PDGFD: variants seen among roughly 807,000 people sequenced by gnomAD.
The protein encoded by PDGFD is platelet derived growth factor D, also known as platelet-derived growth factor D.
PDGFD carries 30 observed loss-of-function variants against 44.7 expected under a neutral mutation model. That is an observed-to-expected ratio of 0.67 (90% CI 0.50 to 0.91). The LOEUF is 0.91. PDGFD is among the 40% of genes least tolerant of loss of function. The pLI, the probability that PDGFD is intolerant of heterozygous loss-of-function variation, is 0.00. For synonymous variants in PDGFD, 173 were observed against 168.4 expected (o/e 1.03, Z -0.21); for missense variants, 445 against 457.8 (o/e 0.97, Z 0.25).
chr11:103,920,966 G>T (rs571355124), intron 6 of PDGFD, among the ~76,000 whole-genome samples: 2 of 152,302 alleles, frequency 1.3e-5, no homozygotes, highest in East Asian at 3.9e-4. Flanking sequence ...GTAATTTCAG[G>T]TTTGCCTGGG....
At chr11:103,957,522 T>C (rs990755867) in intron 3 of PDGFD, among the ~76,000 whole-genome samples, 1 of 152,070 alleles carries the variant, frequency 6.6e-6, no homozygotes, top group Non-Finnish European at 1.5e-5. Context: ...AACAGAGATA[T>C]AGATCAATGG....
chr11:104,001,762 G>A (rs1482200972), intron 1 of PDGFD, among the ~76,000 whole-genome samples: 1 of 152,152 alleles, frequency 6.6e-6, no homozygotes, highest in African/African-American at 2.4e-5. Context: ...TTACTTTGAG[G>A]ACTATAATTC....
rs1195104661 is a variant in PDGFD at position 104,100,436 on chromosome 11, G to C, written c.124+63368C>G. ...CAGGAAGAAGTTGAATCTCTGAATA[G>C]AACAATAACAGGCTCTGAAATTGAG... On this transcript the variant is annotated intron_variant, in intron 1 of 6. Coordinates refer to ENST00000393158, the MANE Select transcript of PDGFD (RefSeq NM_025208.5). 2.6e-5 allele frequency among the ~76,000 whole-genome samples: 4 copies of C among 152,232 alleles called. No individual in the cohort carries two copies. The East Asian group carries it at 7.7e-4, about 29-fold the overall frequency.
At chr11:104,116,446 T>C (rs773440934) in intron 1 of PDGFD, among the ~76,000 whole-genome samples, 6 of 151,992 alleles carry the variant, frequency 3.9e-5, no homozygotes, top group Non-Finnish European at 5.9e-5. Context: ...TATAGTATAG[T>C]TTGAAATCAC....
At chr11:104,049,993 A>G (rs1310804674) in intron 1 of PDGFD, among the ~76,000 whole-genome samples, 4 of 152,196 alleles carry the variant, frequency 2.6e-5, no homozygotes, top group Non-Finnish European at 5.9e-5. Flanking sequence ...CAATAGAGGT[A>G]GGGGCCATGA....
At chr11:104,111,099 C>G (rs1041543165) in intron 1 of PDGFD, among the ~76,000 whole-genome samples, 3 of 151,822 alleles carry the variant, frequency 2.0e-5, no homozygotes, top group African/African-American at 4.8e-5. Flanking sequence ...AACAATAACA[C>G]TGATTATAAC....
At chr11:103,938,870 T>A (rs1478486311) in intron 5 of PDGFD, among the ~76,000 whole-genome samples, 1 of 152,212 alleles carries the variant, frequency 6.6e-6, no homozygotes, top group Non-Finnish European at 1.5e-5. Flanking sequence ...GTTGTAGATA[T>A]GCGGCATTAT....
At chr11:104,082,455 T>C (rs183903623) in intron 1 of PDGFD, among the ~76,000 whole-genome samples, 29 of 152,022 alleles carry the variant, frequency 1.9e-4, no homozygotes, top group Non-Finnish European at 3.2e-4. Context: ...TTCCACTATA[T>C]AGGTTATAGT....
At chr11:104,044,906 C>T (rs1363184229) in intron 1 of PDGFD, among the ~76,000 whole-genome samples, 2 of 152,208 alleles carry the variant, frequency 1.3e-5, no homozygotes, top group Admixed American at 6.5e-5. Flanking sequence ...GGCTTGGTGG[C>T]GGGTGCCTGT....
chr11:104,137,728 C>CTT (rs5794295), intron 1 of PDGFD, among the ~76,000 whole-genome samples: 6,071 of 76,586 alleles, frequency 0.079, 674 homozygotes, highest in South Asian at 0.13. Context: ...TAGATCACCA[C>CTT]TTTTTTTTTT....
In PDGFD at chr11:103,907,419, A is replaced by G. The variant is rs926294544; in HGVS notation, c.*2275T>C. 6.6e-6 allele frequency: 1 copy of G among 152,210 alleles called. No homozygotes were observed. Among genetic ancestry groups the G allele is most frequent in the African/African-American group, 2.4e-5 (1 of 41,454 alleles). The allele number at this position is 152,210 out of a possible 1,614,324, so 9.4% of individuals were successfully genotyped here. A position where few individuals can be genotyped will look rare whatever the true frequency, so the allele number is the denominator to read the frequency against. ...TTATTAGGGTTTGTTTTGAAATGTAATTTGTACGGCCAGCTTTTTATTCCT... is the reference window on the plus strand; with the variant it reads ...TTATTAGGGTTTGTTTTGAAATGTAGTTTGTACGGCCAGCTTTTTATTCCT... On this transcript the variant is annotated 3_prime_UTR_variant, in exon 7 of 7. Coordinates refer to ENST00000393158, the MANE Select transcript of PDGFD (RefSeq NM_025208.5).
In PDGFD at chr11:104,093,886, TA is replaced by T. The variant is rs564395271; in HGVS notation, c.124+69917del. The stretch of plus-strand genomic sequence containing the variant: ...TTTCTGATCTAGTATCTCCAATCAT[TA>T]AAAAAAATTCCTCTTAACCTCACAA... On this transcript the variant is annotated intron_variant, in intron 1 of 6. Transcript: ENST00000393158. Among the ~76,000 whole-genome samples, 151 of 149,248 alleles carry T rather than the reference TA, an allele frequency of 1.0e-3. 1 individual carries two copies. The highest frequency in any genetic ancestry group is 1.8e-3 in the Non-Finnish European group (124 of 67,360).
chr11:103,960,607 T>A (rs1451716500), intron 3 of PDGFD, among the ~76,000 whole-genome samples: 1 of 152,218 alleles, frequency 6.6e-6, no homozygotes, highest in African/African-American at 2.4e-5. Flanking sequence ...AATTCTAATG[T>A]CCTACTCTTG....
At chr11:104,010,406 T>G (rs956628169) in intron 1 of PDGFD, among the ~76,000 whole-genome samples, 1 of 152,040 alleles carries the variant, frequency 6.6e-6, no homozygotes, top group Non-Finnish European at 1.5e-5. Flanking sequence ...CCAGAAACAC[T>G]CACAGGAGTG....
intron 1 of PDGFD, among the ~76,000 whole-genome samples, chr11:104,062,174 C>G (rs1860727657): frequency 2.0e-5 from 3 of 152,222 alleles, no homozygotes; most frequent in Admixed American, 2.0e-4. Context: ...ACTTCTGACT[C>G]CATCTGCAAC....
rs376076640 is a variant in PDGFD, at chr11:104,036,277, T to TA, written c.125-36023dup. ...CAACACAGTGAGACCCCAAATCTAT[T>TA]AAAAAAAAATACAACAATTAGCCGG... On this transcript the variant is annotated intron_variant, in intron 1 of 6. Transcript: ENST00000393158. Among the ~76,000 whole-genome samples the TA allele has an allele frequency of 7.7e-3, 1,165 of 150,532 alleles. 21 individuals are homozygous for TA. Among genetic ancestry groups the TA allele is most frequent in the African/African-American group, 0.025 (1,032 of 40,936 alleles).
chr11:103,930,972 C>T (rs967124378), intron 5 of PDGFD, among the ~76,000 whole-genome samples: 2 of 152,172 alleles, frequency 1.3e-5, no homozygotes, highest in Non-Finnish European at 2.9e-5. Flanking sequence ...CTTTTGTCCT[C>T]ATTTCTCCTT....
chr11:103,959,981 G>A (rs945563665), intron 3 of PDGFD, among the ~76,000 whole-genome samples: 1 of 152,200 alleles, frequency 6.6e-6, no homozygotes, highest in African/African-American at 2.4e-5. Flanking sequence ...TCAGTTAACA[G>A]GAACATCTTT....
chr11:104,152,529 AT>A (rs1862261347), intron 1 of PDGFD, among the ~76,000 whole-genome samples: 1 of 151,928 alleles, frequency 6.6e-6, no homozygotes, highest in Non-Finnish European at 1.5e-5. Flanking sequence ...TCCTTAATTT[AT>A]TTTTACCTCT....
Sources: gnomAD v4.1 joint callset for allele counts (sites outside exome capture counted in the v4.1 genomes callset) on GRCh38, gnomAD v4.1.1 for gene constraint, MANE v1.5 for transcripts, NCBI Gene and HGNC (gene_info 2026-07-23, HGNC 2026-07-21) for gene names.